The following C1QTNF3 variants were observed in gnomAD, a reference collection of about 807,000 sequenced individuals.
The protein encoded by C1QTNF3 is C1q and TNF related 3.
In C1QTNF3, 26 loss-of-function variants were observed where a neutral mutation model predicts 32.6. The ratio of observed to expected loss-of-function variants is 0.80; its 90% CI spans 0.58 to 1.11. The LOEUF (loss-of-function observed/expected upper bound fraction) is 1.11, where lower values mean the gene tolerates loss of function less well. Ranked by LOEUF, C1QTNF3 falls within the 50% of genes least tolerant of loss-of-function variation. The pLI is 0.00. For missense variants in C1QTNF3, 362 were observed against 398.2 expected, an observed-to-expected ratio of 0.91 and a Z score of 0.77; for synonymous variants, 155 against 146.0, an observed-to-expected ratio of 1.06 and a Z score of -0.44.
the C1QTNF3 span, among the ~76,000 whole-genome samples, chr5:34,074,636 T>C: frequency 6.6e-6 from 1 of 151,722 alleles, no homozygotes. Context: ...TGCTCTTAGT[T>C]TGCTAACACC....
chr5:34,046,652 C>T (rs1335730811), upstream of C1QTNF3, among the ~76,000 whole-genome samples: 1 of 152,208 alleles, frequency 6.6e-6, no homozygotes, highest in Non-Finnish European at 1.5e-5. Flanking sequence ...AAAACTGTGA[C>T]ACAATAAATT....
At chr5:34,124,481 G>A in the C1QTNF3 span, 475 of 715,588 alleles carry the variant, frequency 6.6e-4, 6 homozygotes, top group South Asian at 6.8e-3. Flanking sequence ...GACCAGGCCC[G>A]TCACGATGAG....
the C1QTNF3 span, among the ~76,000 whole-genome samples, chr5:34,137,880 T>C: frequency 6.6e-6 from 1 of 152,350 alleles, no homozygotes; most frequent in East Asian, 1.9e-4. Context: ...CCAATTCATA[T>C]ATTGAATCCC....
chr5:34,056,452 G>A, the C1QTNF3 span, among the ~76,000 whole-genome samples: 4,648 of 51,948 alleles, frequency 0.089, 272 homozygotes, highest in African/African-American at 0.17. Flanking sequence ...GTGTGTGTGT[G>A]TGTATATATA....
At chr5:34,233,045 C>T in the C1QTNF3 span, among the ~76,000 whole-genome samples, 1 of 150,462 alleles carries the variant, frequency 6.6e-6, no homozygotes, top group Admixed American at 6.7e-5. Flanking sequence ...CATTTCTTCC[C>T]ACATAAGAAT....
the C1QTNF3 span, among the ~76,000 whole-genome samples, chr5:34,216,395 T>C: frequency 6.6e-6 from 1 of 152,240 alleles, no homozygotes; most frequent in Non-Finnish European, 1.5e-5. Flanking sequence ...CTCCTAGTTA[T>C]GATGTTTTGT....
At chr5:34,159,156 A>C in the C1QTNF3 span, among the ~76,000 whole-genome samples, 1 of 148,446 alleles carries the variant, frequency 6.7e-6, no homozygotes, top group Non-Finnish European at 1.5e-5. Flanking sequence ...ATCAATGTCT[A>C]CTATCTGATC....
the C1QTNF3 span, among the ~76,000 whole-genome samples, chr5:34,113,597 A>C: frequency 6.6e-6 from 1 of 152,176 alleles, no homozygotes; most frequent in Non-Finnish European, 1.5e-5. Flanking sequence ...TTATTAATAC[A>C]TTGAAAAAAA....
At chr5:34,147,783 C>T in the C1QTNF3 span, among the ~76,000 whole-genome samples, 5 of 152,196 alleles carry the variant, frequency 3.3e-5, no homozygotes, top group Non-Finnish European at 7.3e-5. Flanking sequence ...ATTCGTGTAA[C>T]AGACTTGTAT....
intron 3 of C1QTNF3, 179 bp downstream of exon 3, chr5:34,033,125 C>G (rs989079408): frequency 1.6e-6 from 1 of 607,174 alleles, no homozygotes; most frequent in African/African-American, 1.9e-5. Flanking sequence ...GTATCTAAGT[C>G]CTCCTTTTGG....
chr5:34,023,491 G>C (rs1276044168), intron 5 of C1QTNF3, among the ~76,000 whole-genome samples: 3 of 152,158 alleles, frequency 2.0e-5, no homozygotes, highest in Non-Finnish European at 2.9e-5. Flanking sequence ...CAGCCACAAA[G>C]TTTTTCATAG....
the C1QTNF3 span, among the ~76,000 whole-genome samples, chr5:34,076,542 T>G: frequency 6.6e-6 from 1 of 151,498 alleles, no homozygotes; most frequent in Non-Finnish European, 1.5e-5. Flanking sequence ...AACTTGGCTC[T>G]CCAATAAAAT....
chr5:34,054,687 A>G, the C1QTNF3 span, among the ~76,000 whole-genome samples: 1 of 152,348 alleles, frequency 6.6e-6, no homozygotes, highest in South Asian at 2.1e-4. Context: ...AAAAACTATC[A>G]GCACATGGAA....
the C1QTNF3 span, among the ~76,000 whole-genome samples, chr5:34,144,996 G>T: frequency 2.0e-5 from 3 of 152,140 alleles, no homozygotes; most frequent in African/African-American, 7.2e-5. Flanking sequence ...AGGCGTGGTG[G>T]TGCGTGCCTG....
At chr5:34,175,915 G>T in the C1QTNF3 span, 3 of 826,496 alleles carry the variant, frequency 3.6e-6, no homozygotes, top group South Asian at 4.0e-5. Flanking sequence ...TACTGCTCTA[G>T]CAGACTTTTC....
the C1QTNF3 span, among the ~76,000 whole-genome samples, chr5:34,059,447 G>C: frequency 6.6e-6 from 1 of 152,254 alleles, no homozygotes; most frequent in East Asian, 1.9e-4. Flanking sequence ...ATTTCTCACA[G>C]TTTTGGAGGC....
chr5:34,174,694 T>C, the C1QTNF3 span, among the ~76,000 whole-genome samples: 7 of 152,206 alleles, frequency 4.6e-5, no homozygotes, highest in Non-Finnish European at 1.0e-4. Context: ...ATTGCTAACT[T>C]GGCAGCCTCT....
chr5:34,090,904 A>G, the C1QTNF3 span, among the ~76,000 whole-genome samples: 9 of 151,516 alleles, frequency 5.9e-5, no homozygotes, highest in African/African-American at 2.0e-4. Context: ...CACCCAATTT[A>G]TGGTATTTTA....
chr5:34,066,717 T>C, the C1QTNF3 span, among the ~76,000 whole-genome samples: 1 of 152,210 alleles, frequency 6.6e-6, no homozygotes, highest in Non-Finnish European at 1.5e-5. Flanking sequence ...CCCCTGGACC[T>C]GTGATGGGAG....
Sources: allele counts gnomAD v4.1 joint callset (sites outside exome capture counted in the v4.1 genomes callset), GRCh38; gene constraint gnomAD v4.1.1; transcripts MANE v1.5; gene names NCBI Gene and HGNC (gene_info 2026-07-23, HGNC 2026-07-21).